GNL3L: variants seen among roughly 807,000 people sequenced by gnomAD.
GNL3L encodes the protein G protein nucleolar 3 like, also known as guanine nucleotide-binding protein-like 3-like protein.
In GNL3L, 4 loss-of-function variants were observed where a neutral mutation model predicts 42.9. That is an observed-to-expected ratio of 0.09 (90% CI 0.05 to 0.21). The LOEUF (loss-of-function observed/expected upper bound fraction) is 0.21. Ranked by LOEUF, GNL3L falls within the 10% of genes least tolerant of loss-of-function variation. The probability of loss-of-function intolerance (pLI) is 1.00; values close to 1 mark genes in which losing one functional copy is unlikely to be tolerated. For synonymous variants in GNL3L, 159 were observed against 176.3 expected, an observed-to-expected ratio of 0.90 and a Z score of 0.78; for missense variants, 412 against 481.7, an observed-to-expected ratio of 0.86 and a Z score of 1.36.
chrX:54,639,258 G>A, the GNL3L span, among the ~76,000 whole-genome samples: 1 of 111,546 alleles, frequency 9.0e-6, no homozygotes, highest in African/African-American at 3.3e-5. Context: ...TAGTCAAAGA[G>A]CTCTCCAAAT....
At chrX:54,540,110 T>G (rs1291092609) in intron 3 of GNL3L, 25 bp from the exon 4 acceptor site, 1 of 1,076,479 alleles carries the variant, frequency 9.3e-7, no homozygotes, top group South Asian at 1.9e-5. Context: ...TTACCTCTGT[T>G]TTTTTTCTCT....
Position 54,532,602 on chromosome X carries a change from A to G in GNL3L, c.19+17A>G, listed in dbSNP as rs1245138896. On this transcript the variant is annotated intron_variant, in intron 2 of 15. Transcript: ENST00000360845. ...TTAGACACAGTGAGTTTCCTTTACCACCCCTCCCAATCCTGTGCTTTTAAT... is the reference window on the plus strand; with the variant it reads ...TTAGACACAGTGAGTTTCCTTTACCGCCCCTCCCAATCCTGTGCTTTTAAT... The G allele has an allele frequency of 8.8e-7, 1 of 1,130,459 alleles. No individual in the cohort carries two copies. Among genetic ancestry groups the G allele is most frequent in the Admixed American group, 2.2e-5 (1 of 45,679 alleles). The allele number at this position is 1,130,459 out of a possible 1,213,427, so 93.2% of individuals were successfully genotyped here.
chrX:54,638,112 T>C, the GNL3L span, among the ~76,000 whole-genome samples: 1 of 112,185 alleles, frequency 8.9e-6, no homozygotes, highest in Non-Finnish European at 1.9e-5. Context: ...AGTGTCCTTC[T>C]TCCGCAATAT....
At chrX:54,532,440 C>CCTTTAGGGGACTTAGGAGGGGG in intron 1 of GNL3L, 80 bp from the exon 2 acceptor site, 1 of 572,966 alleles carries the variant, frequency 1.7e-6, no homozygotes, top group Middle Eastern at 3.3e-4. Context: ...TAACATTTTA[C>CCTTTAGGGGACTTAGGAGGGGG]CTTTAGGGGA....
At position 54,566,675 on chromosome X, in the gene GNL3L, A is replaced by G. The variant is rs755735111; in HGVS notation, c.*6073A>G. Among the ~76,000 whole-genome samples the G allele has an allele frequency of 1.7e-4, 19 of 112,619 alleles. No individual in the cohort carries two copies. The East Asian group carries it at 4.4e-3, about 26-fold the overall frequency. ...TGCTGAGTATTATTCTATTGTGTGT[A>G]TATACCACATTTTATTTATCCATTC... On this transcript the variant is annotated 3_prime_UTR_variant, in exon 16 of 16. Transcript: ENST00000360845.
At chrX:54,645,144 T>G in the GNL3L span, among the ~76,000 whole-genome samples, 1 of 111,640 alleles carries the variant, frequency 9.0e-6, no homozygotes, top group African/African-American at 3.2e-5. Context: ...TACACAGCTA[T>G]GTCATCAACA....
intron 16 of GNL3L, among the ~76,000 whole-genome samples, chrX:54,585,589 T>A (rs1331642186): frequency 8.9e-6 from 1 of 112,042 alleles, no homozygotes; most frequent in Non-Finnish European, 1.9e-5. Flanking sequence ...TTATGCAGTG[T>A]CAGTTGTAAT....
At chrX:54,533,436 T>C (rs994690750) in intron 2 of GNL3L, among the ~76,000 whole-genome samples, 1 of 110,297 alleles carries the variant, frequency 9.1e-6, no homozygotes, top group Non-Finnish European at 1.9e-5. Flanking sequence ...GATAGCACAC[T>C]GGCACTGGGC....
rs1569542633 is a variant in GNL3L at position 54,607,093 on chromosome X, CTTTCTT to C, written c.*46-13750_*46-13745del. Among the ~76,000 whole-genome samples, 192 of 51,116 alleles carry C rather than the reference CTTTCTT, an allele frequency of 3.8e-3. 1 individual carries two copies. Among genetic ancestry groups the C allele is most frequent in the Non-Finnish European group, 5.6e-3 (162 of 28,771 alleles). The allele number at this position is 51,116 out of a possible 115,157, so 44.4% of individuals were successfully genotyped here. A position where few individuals can be genotyped will look rare whatever the true frequency, so the allele number is the denominator to read the frequency against. On this transcript the variant is annotated intron_variant, in intron 16 of 16. Transcript: ENST00000674498. ...CTTTCTCTTTCTTTCTTCTTTCTTTCTTTCTTTCTTTCTTTCTTTCTTTCTTTCTTT... is the reference window on the plus strand; with the variant it reads ...CTTTCTCTTTCTTTCTTCTTTCTTTCTCTTTCTTTCTTTCTTTCTTTCTTT...
rs1442912753 is a variant in GNL3L at position 54,613,224 on chromosome X, T to C, written c.*46-7621T>C. On this transcript the variant is annotated intron_variant, in intron 16 of 16. Coordinates refer to the GNL3L transcript ENST00000674498. Reference sequence around the variant, plus strand: ...TCTTCTACTTGTCCGGTTCTATTGCTGAGACTTTCGCAGAGCATTTTGCAT... The same window carrying C: ...TCTTCTACTTGTCCGGTTCTATTGCCGAGACTTTCGCAGAGCATTTTGCAT... Among the ~76,000 whole-genome samples, 4 of 111,808 alleles carry C rather than the reference T, an allele frequency of 3.6e-5. No individual in the cohort carries two copies. The East Asian group carries it at 1.1e-3, about 31-fold the overall frequency.
chrX:54,550,092 A>C (rs1924888693), intron 9 of GNL3L, among the ~76,000 whole-genome samples: 1 of 110,116 alleles, frequency 9.1e-6, no homozygotes, highest in Non-Finnish European at 1.9e-5. Context: ...TGGCAGAGAA[A>C]GAGGTGCTTA....
chrX:54,628,185 C>T, the GNL3L span, among the ~76,000 whole-genome samples: 1 of 104,692 alleles, frequency 9.6e-6, no homozygotes, highest in East Asian at 3.0e-4. Context: ...TTATTTTGTT[C>T]CTTTTTATGG....
chrX:54,607,074 CTTTCTTTCTTCT>C (rs1162177965), intron 16 of GNL3L, among the ~76,000 whole-genome samples: 1 of 22,215 alleles, frequency 4.5e-5, no homozygotes, highest in African/African-American at 3.4e-4. Flanking sequence ...CTTTCTTTCT[CTTTCTTTCTTCT>C]TTCTTTCTTT....
chrX:54,622,635 A>T (rs1007587787), downstream of GNL3L, among the ~76,000 whole-genome samples: 4 of 110,808 alleles, frequency 3.6e-5, no homozygotes, highest in African/African-American at 1.3e-4. Flanking sequence ...TATCAGATAT[A>T]TAATTTATAA....
intron 5 of GNL3L, among the ~76,000 whole-genome samples, chrX:54,541,768 C>T (rs906653700): frequency 4.5e-5 from 5 of 111,324 alleles, no homozygotes; most frequent in African/African-American, 1.6e-4. Context: ...ATGTTGTCTT[C>T]CTTCTAGGGC....
At chrX:54,637,252 G>A in the GNL3L span, among the ~76,000 whole-genome samples, 1 of 110,110 alleles carries the variant, frequency 9.1e-6, no homozygotes, top group Non-Finnish European at 1.9e-5. Context: ...TTTTTTCATT[G>A]TACATATTAT....
Position 54,541,311 on chromosome X carries a change from G to T in GNL3L, c.228G>T (p.Glu76Asp), listed in dbSNP as rs1249204076. 1 of 1,210,148 alleles carries T rather than the reference G, an allele frequency of 8.3e-7. No individual in the cohort carries two copies. Among genetic ancestry groups the T allele is most frequent in the Admixed American group, 2.2e-5 (1 of 45,981 alleles). Reference sequence around the variant, plus strand: ...GGGAGAAGCAGCAAGCCGCCCGGGAGCAAGAAAGACAAAAACGCAGGACCA... The same window carrying T: ...GGGAGAAGCAGCAAGCCGCCCGGGATCAAGAAAGACAAAAACGCAGGACCA... ...EMREKQQAAR[E>D]QERQKRRTIE... The change falls in exon 5 of 16, where the codon GAG becomes GAT. Residue 76 changes from glutamate to aspartate, a missense_variant. Coordinates refer to ENST00000360845, the MANE Select transcript of GNL3L (RefSeq NM_001184819.2).
At chrX:54,577,002 A>G (rs906452078) in intron 16 of GNL3L, among the ~76,000 whole-genome samples, 1 of 111,843 alleles carries the variant, frequency 8.9e-6, no homozygotes, top group East Asian at 2.8e-4. Context: ...ATCTATCTCC[A>G]GAACTTTTTC....
At chrX:54,617,296 T>G (rs1926231165) in intron 16 of GNL3L, among the ~76,000 whole-genome samples, 1 of 112,010 alleles carries the variant, frequency 8.9e-6, no homozygotes, top group Non-Finnish European at 1.9e-5. Flanking sequence ...CCCATAAGCC[T>G]TCTCCTTCAC....
Sources: gnomAD v4.1 joint callset for allele counts (sites outside exome capture counted in the v4.1 genomes callset) on GRCh38, gnomAD v4.1.1 for gene constraint, MANE v1.5 for transcripts, NCBI Gene and HGNC (gene_info 2026-07-23, HGNC 2026-07-21) for gene names.